The following R3HDM2 variants were observed in gnomAD, a reference collection of about 807,000 sequenced individuals.
The protein encoded by R3HDM2 is R3H domain containing 2.
A neutral mutation model predicts 124.5 loss-of-function variants in R3HDM2; 38 were observed. The observed-to-expected ratio is 0.31, with a 90% confidence interval of 0.24 to 0.40. The LOEUF is 0.40. R3HDM2 is among the 10% of genes least tolerant of loss of function. R3HDM2 has a pLI of 1.00. For missense variants in R3HDM2, 869 were observed against 1,236.9 expected (o/e 0.70, Z 4.46); for synonymous variants, 391 against 448.0 (o/e 0.87, Z 1.61).
intron 1 of R3HDM2, among the ~76,000 whole-genome samples, chr12:57,396,179 C>G (rs2138843777): frequency 6.6e-6 from 1 of 152,302 alleles, no homozygotes; most frequent in African/African-American, 2.4e-5. Context: ...GTGGCTCACG[C>G]CTGTAATCCC....
chr12:57,261,302 T>G (rs1369220019), intron 19 of R3HDM2, among the ~76,000 whole-genome samples: 1 of 152,224 alleles, frequency 6.6e-6, no homozygotes, highest in Non-Finnish European at 1.5e-5. Context: ...AATACCTCAT[T>G]GCTACCTGAG....
At position 57,392,355 on chromosome 12, in the gene R3HDM2, A is replaced by G. The variant is rs576087290; in HGVS notation, c.-36+3394T>C. On this transcript the variant is annotated intron_variant, in intron 2 of 23. Transcript: ENST00000402412. ...GGATGAAACTGTTCCACCTCAGATC[A>G]TCAGGCATTAGATTTGCCTAAGGAC... Among the ~76,000 whole-genome samples, 4 of 152,340 alleles carry G rather than the reference A, an allele frequency of 2.6e-5. No homozygotes were observed. The South Asian group carries it at 6.2e-4, about 24-fold the overall frequency.
intron 19 of R3HDM2, among the ~76,000 whole-genome samples, chr12:57,264,768 G>A (rs1034810387): frequency 2.0e-5 from 3 of 151,946 alleles, no homozygotes; most frequent in Admixed American, 2.0e-4. Context: ...AAGTAGCTGG[G>A]ACGAACTAAA....
intron 2 of R3HDM2, among the ~76,000 whole-genome samples, chr12:57,313,086 C>G (rs2054256046): frequency 6.6e-6 from 1 of 152,026 alleles, no homozygotes; most frequent in African/African-American, 2.4e-5. Context: ...CAGTTATAAC[C>G]TATAGACCTT....
intron 2 of R3HDM2, among the ~76,000 whole-genome samples, chr12:57,351,735 T>C (rs1479896206): frequency 6.6e-6 from 1 of 152,090 alleles, no homozygotes; most frequent in Non-Finnish European, 1.5e-5. Flanking sequence ...TAGAAACAAA[T>C]CACTAACACA....
intron 2 of R3HDM2, among the ~76,000 whole-genome samples, chr12:57,315,433 T>C (rs2054813408): frequency 6.6e-6 from 1 of 152,186 alleles, no homozygotes; most frequent in African/African-American, 2.4e-5. Context: ...TGCCTTGGCC[T>C]TCCAAAGTGC....
rs962825656 is a variant in R3HDM2, at chr12:57,373,361, G to A, written c.-36+22388C>T. ...TAAAAATACAAAAAATTAGCCGGGCGTGGTGGCGGGCGCCTGTAGTACCAG... is the reference window on the plus strand; with the variant it reads ...TAAAAATACAAAAAATTAGCCGGGCATGGTGGCGGGCGCCTGTAGTACCAG... On this transcript the variant is annotated intron_variant, in intron 2 of 23. Coordinates refer to ENST00000402412, the MANE Select transcript of R3HDM2 (RefSeq NM_001394031.1). 2.6e-4 allele frequency among the ~76,000 whole-genome samples: 40 copies of A among 152,106 alleles called. 1 individual carries two copies. The highest frequency in any genetic ancestry group is 8.9e-4 in the African/African-American group (37 of 41,494).
intron 13 of R3HDM2, among the ~76,000 whole-genome samples, chr12:57,282,971 GAGA>G (rs930214474): frequency 1.8e-4 from 28 of 152,330 alleles, no homozygotes; most frequent in African/African-American, 6.5e-4. Flanking sequence ...GAAATAGATA[GAGA>G]AGGTTTTGTA....
intron 1 of R3HDM2, among the ~76,000 whole-genome samples, chr12:57,429,791 A>G (rs1163316814): frequency 2.6e-5 from 4 of 151,986 alleles, no homozygotes; most frequent in African/African-American, 9.7e-5. Flanking sequence ...ATATTGGTGG[A>G]ACAACAACAA....
At chr12:57,256,608 C>T (rs1392874561) in intron 21 of R3HDM2, 97 bp from the exon 22 acceptor site, 7 of 836,294 alleles carry the variant, frequency 8.4e-6, no homozygotes, top group East Asian at 5.5e-5. Flanking sequence ...ACAATGCATA[C>T]TATTCCTAAT....
chr12:57,383,404 TTAA>T (rs1479928858), intron 2 of R3HDM2, among the ~76,000 whole-genome samples: 12 of 152,158 alleles, frequency 7.9e-5, no homozygotes, highest in Admixed American at 1.3e-4. Context: ...TCTGGAAGAA[TTAA>T]TAATAATGTG....
chr12:57,416,037 A>G (rs1229268323), intron 1 of R3HDM2, among the ~76,000 whole-genome samples: 1 of 152,220 alleles, frequency 6.6e-6, no homozygotes, highest in East Asian at 1.9e-4. Context: ...TTATTATATC[A>G]CTGTAAAATA....
chr12:57,281,246 C>T (rs979309709), intron 13 of R3HDM2, among the ~76,000 whole-genome samples: 1 of 139,174 alleles, frequency 7.2e-6, no homozygotes, highest in East Asian at 2.2e-4. Context: ...GAGATCGCGC[C>T]ATGACACTCC....
chr12:57,383,293 C>T (rs1478461344), intron 2 of R3HDM2, among the ~76,000 whole-genome samples: 2 of 152,074 alleles, frequency 1.3e-5, no homozygotes, highest in Non-Finnish European at 2.9e-5. Flanking sequence ...GCACTCCAAC[C>T]TGGAGTGAGA....
chr12:57,396,645 G>C (rs1422942206), intron 1 of R3HDM2, among the ~76,000 whole-genome samples: 1 of 151,600 alleles, frequency 6.6e-6, no homozygotes, highest in African/African-American at 2.4e-5. Context: ...CAAGTGTGTT[G>C]GCGGGCGCCT....
chr12:57,336,407 A>C (rs2058847697), intron 2 of R3HDM2, among the ~76,000 whole-genome samples: 1 of 152,188 alleles, frequency 6.6e-6, no homozygotes, highest in Non-Finnish European at 1.5e-5. Context: ...ATTTAGGTTT[A>C]ATCAACCTAA....
chr12:57,408,163 TCAAA>T (rs1329455686), intron 1 of R3HDM2, among the ~76,000 whole-genome samples: 1 of 152,048 alleles, frequency 6.6e-6, no homozygotes, highest in African/African-American at 2.4e-5. Context: ...ACTCCTAACC[TCAAA>T]TGATCCTCCC....
At chr12:57,348,715 AAAAAAAGAGAG>A (rs2060324290) in intron 2 of R3HDM2, among the ~76,000 whole-genome samples, 1 of 27,102 alleles carries the variant, frequency 3.7e-5, no homozygotes, top group Non-Finnish European at 1.2e-4. Context: ...AAAAAAAAAA[AAAAAAAGAGAG>A]AGAAAAATTA....
chr12:57,256,140 C>A (rs373656117), intron 22 of R3HDM2, 66 bp from the exon 23 acceptor site: 2 of 1,499,132 alleles, frequency 1.3e-6, no homozygotes, highest in Admixed American at 1.7e-5. Context: ...ATCAGAATGT[C>A]TGCCTGAGAG....
Sources: allele counts gnomAD v4.1 joint callset (sites outside exome capture counted in the v4.1 genomes callset), GRCh38; gene constraint gnomAD v4.1.1; transcripts MANE v1.5; gene names NCBI Gene and HGNC (gene_info 2026-07-23, HGNC 2026-07-21).